HRURF: variants seen among roughly 807,000 people sequenced by gnomAD.
HRURF encodes protein HRURF.
At chr8:22,130,966 G>A (rs1000104685), upstream of HRURF, 2 of 152,368 alleles carry the variant, frequency 1.3e-5, no homozygotes, top group Non-Finnish European at 1.5e-5. Context: ...GAGCGCGGCG[G>A]AGAGCGCAGC....
chr8:22,130,571 G>GC (rs1421379846), downstream of HRURF: 1 of 152,296 alleles, frequency 6.6e-6, no homozygotes, highest in Non-Finnish European at 1.5e-5. Flanking sequence ...CAGCGCGCTC[G>GC]CGCTCTCCTT....
At chr8:22,130,830 C>G (rs886062812), upstream of HRURF, 1 of 152,074 alleles carries the variant, frequency 6.6e-6, no homozygotes, top group Non-Finnish European at 1.5e-5. Flanking sequence ...CGGAGATGGC[C>G]GAGTTGGGGG....
downstream of HRURF, chr8:22,130,541 G>C (rs1360253597): frequency 6.6e-6 from 1 of 152,258 alleles, no homozygotes; most frequent in Non-Finnish European, 1.5e-5. Flanking sequence ...GCGAGGACGC[G>C]TTCTCCCGCT....
At chr8:22,130,467 T>C (rs1827021860), downstream of HRURF, 1 of 152,064 alleles carries the variant, frequency 6.6e-6, no homozygotes. Flanking sequence ...GCGGTGGCGG[T>C]CGTCGTGGCC....
At chr8:22,130,729 T>G (rs1827030742), upstream of HRURF, 1 of 152,154 alleles carries the variant, frequency 6.6e-6, no homozygotes, top group Admixed American at 6.5e-5. Flanking sequence ...GACTCCGTGC[T>G]GCGCCGCGGG....
At chr8:22,130,799 G>C (rs1827033016), upstream of HRURF, 1 of 152,300 alleles carries the variant, frequency 6.6e-6, no homozygotes, top group Admixed American at 6.5e-5. Flanking sequence ...CGCCGGGCCG[G>C]GGGGAACACG....
exon 1 of HRURF, chr8:22,130,703 C>A (rs1241762942): frequency 6.6e-6 from 1 of 152,324 alleles, no homozygotes; most frequent in Non-Finnish European, 1.5e-5. Flanking sequence ...CCGTAGGTTG[C>A]GCCATGGGAC....
chr8:22,130,620 G>C (rs915309537), exon 1 of HRURF: 1 of 152,240 alleles, frequency 6.6e-6, no homozygotes. Context: ...CCGCAGGTTG[G>C]AGGGGTCGGA....
At chr8:22,130,819 T>C (rs1180074273), upstream of HRURF, 2 of 150,950 alleles carry the variant, frequency 1.3e-5, no homozygotes, top group African/African-American at 4.9e-5. Flanking sequence ...GCGCCCCGGG[T>C]CGGAGATGGC....
At chr8:22,130,761 G>C (rs1256592439), upstream of HRURF, 2 of 152,310 alleles carry the variant, frequency 1.3e-5, no homozygotes, top group African/African-American at 4.8e-5. Flanking sequence ...CGGGGCTAGG[G>C]AGCGGGTGCC....
At chr8:22,130,784 G>C (rs1827032398), upstream of HRURF, 1 of 152,134 alleles carries the variant, frequency 6.6e-6, no homozygotes, top group Non-Finnish European at 1.5e-5. Context: ...CGGAGGGAGA[G>C]AAGGCGCCGG....
At chr8:22,130,722 T>G (rs2131772368), upstream of HRURF, 1 of 152,228 alleles carries the variant, frequency 6.6e-6, no homozygotes, top group African/African-American at 2.4e-5. Context: ...ACGCCGAGAC[T>G]CCGTGCTGCG....
At chr8:22,130,826 T>C (rs886062811), upstream of HRURF, 23 of 151,610 alleles carry the variant, frequency 1.5e-4, no homozygotes, top group East Asian at 7.8e-4. Context: ...GGGTCGGAGA[T>C]GGCCGAGTTG....
chr8:22,130,848 G>C (rs1827034647), upstream of HRURF: 1 of 152,324 alleles, frequency 6.6e-6, no homozygotes, highest in Non-Finnish European at 1.5e-5. Context: ...GGGAAAGGCC[G>C]AGGGGCCGGG....
chr8:22,130,954 T>TAGAGCGCGGCGG (rs568964531), upstream of HRURF: 5 of 152,164 alleles, frequency 3.3e-5, no homozygotes, highest in African/African-American at 4.8e-5. Flanking sequence ...CTAATGGAGG[T>TAGAGCGCGGCGG]AGAGCGCGGC....
chr8:22,130,576 C>G (rs1269259946), downstream of HRURF: 1 of 152,294 alleles, frequency 6.6e-6, no homozygotes, highest in Non-Finnish European at 1.5e-5. Context: ...CGCTCGCGCT[C>G]TCCTTCCCCC....
upstream of HRURF, chr8:22,130,820 C>G (rs980738121): frequency 6.6e-6 from 1 of 151,850 alleles, no homozygotes; most frequent in Non-Finnish European, 1.5e-5. Context: ...CGCCCCGGGT[C>G]GGAGATGGCC....
At chr8:22,130,600 C>T, downstream of HRURF, 1 of 152,292 alleles carries the variant, frequency 6.6e-6, no homozygotes, top group Non-Finnish European at 1.5e-5. Flanking sequence ...GCGGCGGGGG[C>T]GCTCTAGGGC....
upstream of HRURF, chr8:22,130,990 G>C (rs1827039272): frequency 6.6e-6 from 1 of 152,256 alleles, no homozygotes; most frequent in Non-Finnish European, 1.5e-5. Context: ...ACCTCTGATC[G>C]CCATCGCCAG....
Sources: allele counts gnomAD v4.1 joint callset, GRCh38; gene constraint gnomAD v4.1.1; transcripts MANE v1.5; gene names NCBI Gene and HGNC (gene_info 2026-07-23, HGNC 2026-07-21).